CCDC85A: variants seen among roughly 807,000 people sequenced by gnomAD.
CCDC85A encodes coiled-coil domain containing 85A.
In CCDC85A, 38 loss-of-function variants were observed where a neutral mutation model predicts 50.2. That is an observed-to-expected ratio of 0.76 (90% confidence interval 0.58 to 0.99). The LOEUF (loss-of-function observed/expected upper bound fraction) is 0.99. CCDC85A is among the 50% of genes least tolerant of loss of function. CCDC85A has a pLI of 0.00. For missense variants in CCDC85A, 820 were observed against 742.0 expected (o/e 1.11, Z -1.22); for synonymous variants, 366 against 301.4 (o/e 1.21, Z -2.22).
intron 4 of CCDC85A, among the ~76,000 whole-genome samples, chr2:56,373,125 G>T (rs1035102480): frequency 6.6e-6 from 1 of 152,140 alleles, no homozygotes; most frequent in Admixed American, 6.5e-5. Flanking sequence ...GCTTCATTCT[G>T]TTATTGCAGT....
intron 2 of CCDC85A, among the ~76,000 whole-genome samples, chr2:56,249,155 A>G (rs530216277): frequency 1.3e-5 from 2 of 152,296 alleles, no homozygotes; most frequent in South Asian, 2.1e-4. Context: ...GGTCTGGACA[A>G]TCCATTGCTG....
chr2:56,187,016 TC>T (rs1382111388), intron 1 of CCDC85A, among the ~76,000 whole-genome samples: 4 of 152,198 alleles, frequency 2.6e-5, no homozygotes, highest in Non-Finnish European at 5.9e-5. Context: ...CTCCCAGGCT[TC>T]TGGCCCACCC....
intron 3 of CCDC85A, among the ~76,000 whole-genome samples, chr2:56,356,436 A>G (rs1332025040): frequency 2.0e-5 from 3 of 152,244 alleles, no homozygotes; most frequent in Non-Finnish European, 4.4e-5. Context: ...CTAAATGGTC[A>G]GATAGTTGGT....
chr2:56,311,268 C>T (rs1672679461), intron 2 of CCDC85A, among the ~76,000 whole-genome samples: 1 of 152,246 alleles, frequency 6.6e-6, no homozygotes, highest in East Asian at 1.9e-4. Context: ...CTTCCTATTT[C>T]ACTCCTGCCC....
chr2:56,307,993 T>C (rs1385086452), intron 2 of CCDC85A, among the ~76,000 whole-genome samples: 2 of 152,200 alleles, frequency 1.3e-5, no homozygotes, highest in African/African-American at 4.8e-5. Context: ...TTAGGAAGTG[T>C]GTTTTACATG....
intron 2 of CCDC85A, among the ~76,000 whole-genome samples, chr2:56,336,715 T>G (rs1180328086): frequency 6.6e-6 from 1 of 152,122 alleles, no homozygotes. Flanking sequence ...GTAAAGAGGG[T>G]TTCATATTTT....
intron 2 of CCDC85A, among the ~76,000 whole-genome samples, chr2:56,301,944 C>A (rs936037384): frequency 6.6e-6 from 1 of 152,090 alleles, no homozygotes; most frequent in African/African-American, 2.4e-5. Flanking sequence ...TATTTCAGAA[C>A]TTAAAGTGTA....
chr2:56,231,648 C>T (rs1668778691), intron 2 of CCDC85A, among the ~76,000 whole-genome samples: 1 of 151,820 alleles, frequency 6.6e-6, no homozygotes, highest in East Asian at 1.9e-4. Flanking sequence ...TAATGGGGTG[C>T]CTAAAACCTT....
chr2:56,188,188 G>A (rs1480608584), intron 1 of CCDC85A, among the ~76,000 whole-genome samples: 2 of 152,158 alleles, frequency 1.3e-5, no homozygotes, highest in African/African-American at 4.8e-5. Context: ...GAAAGCCCAA[G>A]TCTTAGTGAG....
At chr2:56,342,500 C>G (rs947693653) in intron 2 of CCDC85A, among the ~76,000 whole-genome samples, 8 of 152,268 alleles carry the variant, frequency 5.3e-5, no homozygotes, top group Non-Finnish European at 1.2e-4. Context: ...TGATGTTGGA[C>G]TGCTTCTCTT....
At chr2:56,237,362 A>G (rs1465661937) in intron 2 of CCDC85A, among the ~76,000 whole-genome samples, 1 of 152,252 alleles carries the variant, frequency 6.6e-6, no homozygotes, top group African/African-American at 2.4e-5. Context: ...AGTTGTGTAC[A>G]GGAGGCAGAA....
Position 56,184,740 on chromosome 2 carries a change from T to C in CCDC85A, c.116T>C (p.Val39Ala), listed in dbSNP as rs1357071242. The C allele has an allele frequency of 2.6e-6, 4 of 1,542,906 alleles. No homozygotes were observed. The highest frequency in any genetic ancestry group is 5.0e-5 in the East Asian group (2 of 40,382). The stretch of plus-strand genomic sequence containing the variant: ...GCGCCGGTGGAGGACCTGTCCAAAG[T>C]GTCGGACGAGGAGCTGCTGCAGTGG... ...PPAPVEDLSKVSDEELLQWSK... is the reference protein window; with the variant it reads ...PPAPVEDLSKASDEELLQWSK... The change falls in exon 1 of 6, where the codon GTG becomes GCG. Residue 39 changes from valine to alanine, a missense_variant. Val to Ala is a moderately conservative substitution (Grantham distance 64). Transcript: ENST00000407595.
chr2:56,230,380 CTTAA>C (rs1426177668), intron 2 of CCDC85A, among the ~76,000 whole-genome samples: 3 of 152,134 alleles, frequency 2.0e-5, no homozygotes, highest in African/African-American at 7.2e-5. Context: ...TCCCTACTCT[CTTAA>C]TTAGTCATTG....
rs1279857932 is a variant in CCDC85A at position 56,385,386 on chromosome 2, A to ACATGCTGTATATTTAATAAACTTTAT, written c.*1031_*1032insCATGCTGTATATTTAATAAACTTTAT. ...TAAAAGCTCTTGTTCAGATTGCTTG[A>ACATGCTGTATATTTAATAAACTTTAT]GGTTTGAAAAAGAGGTGTGCTAGCT... On this transcript the variant is annotated 3_prime_UTR_variant, in exon 6 of 6. Coordinates refer to ENST00000407595, the MANE Select transcript of CCDC85A (RefSeq NM_001080433.2). The ACATGCTGTATATTTAATAAACTTTAT allele has an allele frequency of 6.6e-6, 1 of 152,208 alleles. No individual in the cohort carries two copies. The highest frequency in any genetic ancestry group is 1.9e-4 in the East Asian group (1 of 5,154). The allele number at this position is 152,208 out of a possible 1,614,324, so 9.4% of individuals were successfully genotyped here. A position where few individuals can be genotyped will look rare whatever the true frequency, so the allele number is the denominator to read the frequency against.
At chr2:56,213,685 C>G (rs1295639189) in intron 2 of CCDC85A, among the ~76,000 whole-genome samples, 1 of 151,664 alleles carries the variant, frequency 6.6e-6, no homozygotes, top group East Asian at 1.9e-4. Flanking sequence ...TCTAGGAACC[C>G]CTCGAACAGA....
intron 2 of CCDC85A, among the ~76,000 whole-genome samples, chr2:56,289,722 T>C (rs1159422256): frequency 6.6e-6 from 1 of 152,136 alleles, no homozygotes; most frequent in Non-Finnish European, 1.5e-5. Flanking sequence ...TTTTACAGAG[T>C]ATGTAAACCT....
intron 2 of CCDC85A, among the ~76,000 whole-genome samples, chr2:56,242,840 G>A (rs772304283): frequency 1.8e-3 from 273 of 152,198 alleles, no homozygotes; most frequent in Non-Finnish European, 1.3e-3. Flanking sequence ...ATTTTTGCCA[G>A]TCCAGTGGCC....
intron 2 of CCDC85A, among the ~76,000 whole-genome samples, chr2:56,256,058 C>G (rs1669971636): frequency 6.6e-6 from 1 of 152,124 alleles, no homozygotes. Context: ...GTTAACTGCT[C>G]ATAATCCTGA....
chr2:56,260,437 A>AT (rs1670170002), intron 2 of CCDC85A, among the ~76,000 whole-genome samples: 1 of 152,220 alleles, frequency 6.6e-6, no homozygotes, highest in African/African-American at 2.4e-5. Flanking sequence ...TCATGCTTGA[A>AT]ATAAAACTTT....
Sources: allele counts gnomAD v4.1 joint callset (sites outside exome capture counted in the v4.1 genomes callset), GRCh38; gene constraint gnomAD v4.1.1; transcripts MANE v1.5; gene names NCBI Gene and HGNC (gene_info 2026-07-23, HGNC 2026-07-21).